The following GABARAPL2 variants were observed in gnomAD, a reference collection of about 807,000 sequenced individuals.
GABARAPL2 encodes the protein GABA type A receptor associated protein like 2, also known as gamma-aminobutyric acid receptor-associated protein-like 2.
Under a neutral mutation model 16.9 loss-of-function variants are expected in GABARAPL2, and 11 were observed. The observed-to-expected ratio is 0.65, with a 90% CI of 0.41 to 1.08. GABARAPL2 has a LOEUF of 1.08. Ranked by LOEUF, GABARAPL2 falls within the 50% of genes least tolerant of loss-of-function variation. GABARAPL2 has a pLI of 0.00. For missense variants in GABARAPL2, 134 were observed against 142.5 expected, an observed-to-expected ratio of 0.94 and a Z score of 0.30; for synonymous variants, 57 against 50.7, an observed-to-expected ratio of 1.12 and a Z score of -0.53.
intron 3 of GABARAPL2, among the ~76,000 whole-genome samples, chr16:75,568,646 T>G (rs1262667622): frequency 6.6e-6 from 1 of 152,246 alleles, no homozygotes; most frequent in Non-Finnish European, 1.5e-5. Context: ...TCTTTGACAT[T>G]GTAAGAGTCT....
At position 75,566,848 on chromosome 16, in the gene GABARAPL2, A is replaced by C. The variant is rs759196152; in HGVS notation, c.35-4A>C. ...GCCGTCAGCCCCGTTTGTTTCTCCC[A>C]CAGAACACAGATGCGTGGAGTCCGC... On this transcript the variant is annotated splice_polypyrimidine_tract_variant and splice_region_variant and intron_variant, in intron 1 of 3. Coordinates refer to ENST00000037243, the MANE Select transcript of GABARAPL2 (RefSeq NM_007285.7). 1 of 1,612,984 alleles carries C rather than the reference A, an allele frequency of 6.2e-7. No individual in the cohort carries two copies. Among genetic ancestry groups the C allele is most frequent in the African/African-American group, 1.3e-5 (1 of 75,034 alleles).
chr16:75,571,925 A>C (rs1447627872), intron 3 of GABARAPL2, among the ~76,000 whole-genome samples: 1 of 151,766 alleles, frequency 6.6e-6, no homozygotes, highest in African/African-American at 2.4e-5. Context: ...TGATTCGCCG[A>C]CCTTGGCCTC....
intron 3 of GABARAPL2, among the ~76,000 whole-genome samples, chr16:75,572,992 G>A (rs1286511741): frequency 6.6e-6 from 1 of 152,212 alleles, no homozygotes; most frequent in East Asian, 1.9e-4. Flanking sequence ...AGTTGTCAGG[G>A]CATCCAGCAA....
chr16:75,576,637 T>G (rs1413456390), intron 3 of GABARAPL2: 1 of 152,302 alleles, frequency 6.6e-6, no homozygotes, highest in Non-Finnish European at 1.5e-5. Flanking sequence ...CAACTCAGTT[T>G]CATGGCACAG....
Position 75,577,547 on chromosome 16 carries a change from G to A in GABARAPL2, c.*178G>A. On this transcript the variant is annotated 3_prime_UTR_variant, in exon 4 of 4. Coordinates refer to ENST00000037243, the MANE Select transcript of GABARAPL2 (RefSeq NM_007285.7). The stretch of plus-strand genomic sequence containing the variant: ...TTAGACTAGTAAATTATCATACAGA[G>A]TTTTATTTTGAGTTTTTCTTTTTGT... 1 of 530,004 alleles carries A rather than the reference G, an allele frequency of 1.9e-6. No individual in the cohort carries two copies. Among genetic ancestry groups the A allele is most frequent in the Non-Finnish European group, 3.4e-6 (1 of 297,274 alleles). The allele number at this position is 530,004 out of a possible 1,614,324, so 32.8% of individuals were successfully genotyped here. A position where few individuals can be genotyped will look rare whatever the true frequency, so the allele number is the denominator to read the frequency against.
Position 75,566,901 on chromosome 16 carries a change from G to C in GABARAPL2, c.84G>C (p.Arg28Ser). Residue 28 changes from arginine (R) to serine (S), a missense_variant, in exon 2 of 4, where the codon AGG becomes AGC. Arg to Ser is a moderately radical substitution (Grantham distance 110). Transcript: ENST00000037243. Reference protein sequence around the residue: ...SAKIRAKYPDRVPVIVEKVSG... With the variant: ...SAKIRAKYPDSVPVIVEKVSG... ...AGATTCGAGCGAAATATCCCGACAG[G>C]GTTCCGGTGAGTGGACTCTCCGCCC... 1 of 1,613,156 alleles carries C rather than the reference G, an allele frequency of 6.2e-7. No individual in the cohort carries two copies. The highest frequency in any genetic ancestry group is 8.5e-7 in the Non-Finnish European group (1 of 1,179,454).
At position 75,577,419 on chromosome 16, in the gene GABARAPL2, T is replaced by A; in HGVS notation, c.*50T>A. On this transcript the variant is annotated 3_prime_UTR_variant, in exon 4 of 4. Coordinates refer to ENST00000037243, the MANE Select transcript of GABARAPL2 (RefSeq NM_007285.7). ...CGTAACTGCTTGTGTATCTTGTAAA[T>A]AGCCAGCCATTTTCAGTTATTATAC... The A allele has an allele frequency of 9.4e-7, 1 of 1,060,462 alleles. No individual in the cohort carries two copies. Among genetic ancestry groups the A allele is most frequent in the Non-Finnish European group, 1.5e-6 (1 of 674,682 alleles). The allele number at this position is 1,060,462 out of a possible 1,614,324, so 65.7% of individuals were successfully genotyped here.
intron 3 of GABARAPL2, among the ~76,000 whole-genome samples, chr16:75,573,416 G>A (rs28463794): frequency 0.011 from 1,635 of 152,306 alleles, 27 homozygotes; most frequent in African/African-American, 0.037. Context: ...TCAAAATTAG[G>A]TGCATGTTCA....
chr16:75,574,542 A>T (rs1450772543), intron 3 of GABARAPL2, among the ~76,000 whole-genome samples: 1 of 152,048 alleles, frequency 6.6e-6, no homozygotes, highest in Non-Finnish European at 1.5e-5. Context: ...TCAGAGAAAA[A>T]TGGGGTTACT....
At chr16:75,571,881 T>G (rs1268755923) in intron 3 of GABARAPL2, among the ~76,000 whole-genome samples, 1 of 152,128 alleles carries the variant, frequency 6.6e-6, no homozygotes, top group Admixed American at 6.5e-5. Flanking sequence ...TTTACCATGT[T>G]GGCCAGGCTG....
chr16:75,576,863 C>G, intron 3 of GABARAPL2: 1 of 161,946 alleles, frequency 6.2e-6, no homozygotes, highest in Non-Finnish European at 1.4e-5. Flanking sequence ...ATGTGGGCAC[C>G]CTGGGGCACA....
At chr16:75,576,036 G>C (rs985154931) in intron 3 of GABARAPL2, 17 of 152,196 alleles carry the variant, frequency 1.1e-4, no homozygotes, top group African/African-American at 3.9e-4. Context: ...ATTTCAATCA[G>C]AGCAGAGATT....
At chr16:75,572,979 G>A (rs2080925212) in intron 3 of GABARAPL2, among the ~76,000 whole-genome samples, 1 of 152,212 alleles carries the variant, frequency 6.6e-6, no homozygotes, top group Admixed American at 6.5e-5. Context: ...AGTGCTACTT[G>A]CGAGTTGTCA....
intron 3 of GABARAPL2, among the ~76,000 whole-genome samples, chr16:75,573,420 A>G (rs922433348): frequency 6.6e-6 from 1 of 152,224 alleles, no homozygotes; most frequent in Non-Finnish European, 1.5e-5. Flanking sequence ...AATTAGGTGC[A>G]TGTTCAGCAT....
Position 75,566,432 on chromosome 16 carries a change from G to A in GABARAPL2, c.-55G>A. The A allele has an allele frequency of 3.7e-6, 5 of 1,360,902 alleles. No individual in the cohort carries two copies. The highest frequency in any genetic ancestry group is 5.2e-6 in the Non-Finnish European group (5 of 964,022). 84.3% of individuals were successfully genotyped at this position (1,360,902 alleles called of 1,614,324 possible). A position where few individuals can be genotyped will look rare whatever the true frequency, so the allele number is the denominator to read the frequency against. ...GCCGCCGTCGTTGTTGTTGTGCTCG[G>A]TGCGCTGAGCTCCGCGGCTCCGCGA... is the stretch of plus-strand genomic sequence containing the variant. On this transcript the variant is annotated 5_prime_UTR_variant, in exon 1 of 4. It adds an upstream start codon to the 5' untranslated region. Coordinates refer to ENST00000037243, the MANE Select transcript of GABARAPL2 (RefSeq NM_007285.7).
At chr16:75,566,750 C>T (rs981887146) in intron 1 of GABARAPL2, 102 bp from the exon 2 acceptor site, 53 of 1,203,340 alleles carry the variant, frequency 4.4e-5, no homozygotes, top group African/African-American at 1.9e-4. Flanking sequence ...ACGCCGGAAC[C>T]AGGGCCTGGG....
At position 75,577,567 on chromosome 16, in the gene GABARAPL2, T is replaced by C. The variant is rs2080957512; in HGVS notation, c.*198T>C. ...ACAGAGTTTTATTTTGAGTTTTTCT[T>C]TTTGTGCATTGTCCTCATGCCTGTA... On this transcript the variant is annotated 3_prime_UTR_variant, in exon 4 of 4. Transcript: ENST00000037243. 1 of 516,836 alleles carries C rather than the reference T, an allele frequency of 1.9e-6. No individual in the cohort carries two copies. The highest frequency in any genetic ancestry group is 1.9e-5 in the African/African-American group (1 of 52,424). The allele number at this position is 516,836 out of a possible 1,614,324, so 32.0% of individuals were successfully genotyped here. A position where few individuals can be genotyped will look rare whatever the true frequency, so the allele number is the denominator to read the frequency against.
In GABARAPL2 at chr16:75,577,503, ATTGG is replaced by A; in HGVS notation, c.*135_*138del. 3 of 622,940 alleles carry A rather than the reference ATTGG, an allele frequency of 4.8e-6. No homozygotes were observed. Among genetic ancestry groups the A allele is most frequent in the Non-Finnish European group, 8.7e-6 (3 of 344,846 alleles). The allele number at this position is 622,940 out of a possible 1,614,324, so 38.6% of individuals were successfully genotyped here. A position where few individuals can be genotyped will look rare whatever the true frequency, so the allele number is the denominator to read the frequency against. ...TGTAACTGGATTTATTTCTTAATAT[ATTGG>A]AAGGTTTTGTTTCCTTAGACTAGTA... On this transcript the variant is annotated 3_prime_UTR_variant, in exon 4 of 4. Transcript: ENST00000037243.
At chr16:75,572,009 T>C (rs1187101976) in intron 3 of GABARAPL2, among the ~76,000 whole-genome samples, 1 of 151,144 alleles carries the variant, frequency 6.6e-6, no homozygotes, top group Non-Finnish European at 1.5e-5. Context: ...AAATATGTTC[T>C]GTCCTAGGCC....
Sources: gnomAD v4.1 joint callset for allele counts (sites outside exome capture counted in the v4.1 genomes callset) on GRCh38, gnomAD v4.1.1 for gene constraint, MANE v1.5 for transcripts, NCBI Gene and HGNC (gene_info 2026-07-23, HGNC 2026-07-21) for gene names.